The following ZNF718 variants were observed in gnomAD, a reference collection of about 807,000 sequenced individuals.
ZNF718 encodes the protein zinc finger protein 718.
A neutral mutation model predicts 2.6 loss-of-function variants in ZNF718; 3 were observed. The observed-to-expected ratio is 1.16, with a 90% CI of 0.53 to 3.01. The LOEUF is 3.01. ZNF718 is among the 30% of genes most tolerant of loss of function. The pLI, the probability that ZNF718 is intolerant of heterozygous loss-of-function variation, is 0.03. For synonymous variants in ZNF718, 135 were observed against 77.9 expected (o/e 1.73, Z -3.86); for missense variants, 468 against 230.0 (o/e 2.03, Z -6.69).
At chr4:174,803 C>T (rs1273454986) in intron 3 of ZNF718, among the ~76,000 whole-genome samples, 2 of 152,194 alleles carry the variant, frequency 1.3e-5, no homozygotes, top group African/African-American at 4.8e-5. Context: ...CCACGGTCTT[C>T]ACAAAGTAAC....
Position 144,704 on chromosome 4 carries a change from T to C in ZNF718, c.226+13199T>C, listed in dbSNP as rs897547287. Among the ~76,000 whole-genome samples, 8 of 152,206 alleles carry C rather than the reference T, an allele frequency of 5.3e-5. No homozygotes were observed. The East Asian group carries it at 1.5e-3, about 29-fold the overall frequency. ...TTGCATCGATGTTTTATAGTATTCA[T>C]CATAGAGATCTTTCACTTCTTTGGT... On this transcript the variant is annotated intron_variant, in intron 3 of 3. Transcript: ENST00000510175.
At chr4:187,379 ACCACGCCCAGC>A (rs1553820605) in intron 3 of ZNF718, among the ~76,000 whole-genome samples, 1 of 152,012 alleles carries the variant, frequency 6.6e-6, no homozygotes, top group Non-Finnish European at 1.5e-5. Flanking sequence ...GGTGTGCACC[ACCACGCCCAGC>A]TAATTTTTGT....
chr4:190,284 G>T (rs1210027488), intron 3 of ZNF718, among the ~76,000 whole-genome samples: 1 of 151,962 alleles, frequency 6.6e-6, no homozygotes, highest in East Asian at 1.9e-4. Flanking sequence ...CAAAAAATTA[G>T]CCAGGCGTGG....
At chr4:195,751 G>C (rs780095582) in intron 3 of ZNF718, among the ~76,000 whole-genome samples, 1 of 152,138 alleles carries the variant, frequency 6.6e-6, no homozygotes, top group East Asian at 1.9e-4. Context: ...TTTTTTATAG[G>C]AAGTCTACGG....
intron 3 of ZNF718, among the ~76,000 whole-genome samples, chr4:186,920 A>AGCCATTTCT (rs1560131896): frequency 6.6e-6 from 1 of 152,178 alleles, no homozygotes; most frequent in Non-Finnish European, 1.5e-5. Flanking sequence ...CAGCCATTTC[A>AGCCATTTCT]GCCTCAGCCC....
At chr4:152,140 TC>T (rs1390170653) in intron 3 of ZNF718, among the ~76,000 whole-genome samples, 7 of 148,682 alleles carry the variant, frequency 4.7e-5, no homozygotes, top group African/African-American at 9.9e-5. Context: ...AGGCGGTTTT[TC>T]CCTATCTCAG....
rs782653796 is a variant in ZNF718 at position 161,145 on chromosome 4, A to G, written c.460A>G (p.Lys154Glu). 2.2e-5 allele frequency: 17 copies of G among 756,146 alleles called. No individual in the cohort carries two copies. In the Admixed American group the frequency reaches 3.2e-4, roughly 14 times the overall value. The allele number at this position is 756,146 out of a possible 1,614,324, so 46.8% of individuals were successfully genotyped here. Residue 154 changes from lysine (K) to glutamate (E), a missense_variant, in exon 4 of 4, where the codon AAA becomes GAA. Transcript: ENST00000510175. ...TAATATATGTGTCAAAGTTTTTCAT[A>G]AATTTTCAAATTCAAACAAAGATAA... Reference protein sequence around the residue: ...QSNICVKVFHKFSNSNKDKIR... With the variant: ...QSNICVKVFHEFSNSNKDKIR...
intron 3 of ZNF718, among the ~76,000 whole-genome samples, chr4:133,868 T>G (rs1220197922): frequency 1.4e-4 from 22 of 152,218 alleles, no homozygotes; most frequent in African/African-American, 4.6e-4. Context: ...TAAAATATAG[T>G]CAAGTTAGTG....
intron 3 of ZNF718, among the ~76,000 whole-genome samples, chr4:193,378 C>T (rs1404420007): frequency 6.6e-6 from 1 of 152,090 alleles, no homozygotes; most frequent in East Asian, 1.9e-4. Flanking sequence ...GTTAGGAATT[C>T]CCTTTCTCTC....
At chr4:147,030 G>A (rs1716097297) in intron 3 of ZNF718, among the ~76,000 whole-genome samples, 1 of 151,958 alleles carries the variant, frequency 6.6e-6, no homozygotes, top group African/African-American at 2.4e-5. Context: ...GAGTGCAGTG[G>A]GGTGATCTTG....
In ZNF718 at chr4:177,398, G is replaced by A. The variant is rs1717370527; in HGVS notation, c.227-23683G>A. Among the ~76,000 whole-genome samples, 6 of 152,176 alleles carry A rather than the reference G, an allele frequency of 3.9e-5. No individual in the cohort carries two copies. The South Asian group carries it at 8.3e-4, about 21-fold the overall frequency. ...TTTCTGGGTTAACAGATTAAGGCAAGTCCAGAATCATGTGAGAGATTTTAT... is the reference window on the plus strand; with the variant it reads ...TTTCTGGGTTAACAGATTAAGGCAAATCCAGAATCATGTGAGAGATTTTAT... On this transcript the variant is annotated intron_variant and NMD_transcript_variant, in intron 3 of 4. Coordinates refer to the ZNF718 transcript ENST00000642529.
intron 3 of ZNF718, among the ~76,000 whole-genome samples, chr4:137,752 C>CT (rs879997726): frequency 2.8e-5 from 4 of 143,702 alleles, no homozygotes; most frequent in Admixed American, 7.2e-5. Flanking sequence ...ATACTTTTTA[C>CT]TTTTTTTTTT....
chr4:194,577 T>G (rs1309313737), intron 3 of ZNF718, among the ~76,000 whole-genome samples: 5 of 152,204 alleles, frequency 3.3e-5, no homozygotes, highest in African/African-American at 1.2e-4. Flanking sequence ...ATGGTGGCAC[T>G]TCTCTCATTT....
chr4:188,811 C>T (rs1294826415), intron 3 of ZNF718, among the ~76,000 whole-genome samples: 4 of 152,038 alleles, frequency 2.6e-5, no homozygotes, highest in Admixed American at 6.6e-5. Flanking sequence ...TGGGGCTGGG[C>T]GTTTTGTTGG....
intron 3 of ZNF718, among the ~76,000 whole-genome samples, chr4:148,460 T>C (rs1278718377): frequency 6.6e-6 from 1 of 151,750 alleles, no homozygotes; most frequent in Non-Finnish European, 1.5e-5. Flanking sequence ...AATACAAAAA[T>C]TTGCTGGGCA....
chr4:183,572 A>T (rs1247256724), intron 3 of ZNF718, among the ~76,000 whole-genome samples: 1 of 152,194 alleles, frequency 6.6e-6, no homozygotes, highest in African/African-American at 2.4e-5. Context: ...ATAGCATTGA[A>T]TTGAATCTAT....
Position 163,303 on chromosome 4 carries a change from C to T in ZNF718, c.*1181C>T, listed in dbSNP as rs1716984461. 6.6e-6 allele frequency: 1 copy of T among 151,916 alleles called. No homozygotes were observed. Among genetic ancestry groups the T allele is most frequent in the African/African-American group, 2.4e-5 (1 of 41,398 alleles). The allele number at this position is 151,916 out of a possible 1,614,324, so 9.4% of individuals were successfully genotyped here. A position where few individuals can be genotyped will look rare whatever the true frequency, so the allele number is the denominator to read the frequency against. ...CCCTGGGTTCACGCCATTCTCCTGC[C>T]TCAGCCTCCCAAGTAGCTGGGACTA... On this transcript the variant is annotated 3_prime_UTR_variant, in exon 4 of 4. Coordinates refer to ENST00000510175, the MANE Select transcript of ZNF718 (RefSeq NM_001039127.6).
Position 161,322 on chromosome 4 carries a change from A to G in ZNF718, c.637A>G (p.Ile213Val), listed in dbSNP as rs781836084. The stretch of plus-strand genomic sequence containing the variant: ...TGGCAAAGCCTTTAATTGGTCCTCA[A>G]TTCTTACTAAACATAAGAGAATTCA... ...ECGKAFNWSS[I>V]LTKHKRIHAR... Residue 213 changes from isoleucine (I) to valine (V), a missense_variant, in exon 4 of 4, where the codon ATT becomes GTT. Physicochemically the swap from Ile to Val is conservative, Grantham distance 29. Transcript: ENST00000510175. 22 of 780,766 alleles carry G rather than the reference A, an allele frequency of 2.8e-5. No individual in the cohort carries two copies. Among genetic ancestry groups the G allele is most frequent in the South Asian group, 5.4e-5 (4 of 74,558 alleles). The allele number at this position is 780,766 out of a possible 1,614,324, so 48.4% of individuals were successfully genotyped here. A position where few individuals can be genotyped will look rare whatever the true frequency, so the allele number is the denominator to read the frequency against.
At chr4:192,192 G>C (rs138390604) in intron 3 of ZNF718, among the ~76,000 whole-genome samples, 1 of 152,118 alleles carries the variant, frequency 6.6e-6, no homozygotes, top group East Asian at 1.9e-4. Flanking sequence ...AGCTCGAGCC[G>C]GAACAAACGC....
Sources: gnomAD v4.1 joint callset for allele counts (sites outside exome capture counted in the v4.1 genomes callset) on GRCh38, gnomAD v4.1.1 for gene constraint, MANE v1.5 for transcripts, NCBI Gene and HGNC (gene_info 2026-07-23, HGNC 2026-07-21) for gene names.